Variants in UBTD2 observed in about 807,000 individuals in gnomAD.
The protein encoded by UBTD2 is ubiquitin domain containing 2.
Under a neutral mutation model 19.8 loss-of-function variants are expected in UBTD2, and 9 were observed. That is an observed-to-expected ratio of 0.46 (90% confidence interval 0.27 to 0.79). UBTD2 has a LOEUF of 0.79. Among genes scored for constraint, UBTD2 ranks in the 30% least tolerant of loss-of-function variants. The pLI is 0.14. For missense variants in UBTD2, 250 were observed against 300.4 expected, an observed-to-expected ratio of 0.83 and a Z score of 1.24; for synonymous variants, 98 against 103.9, an observed-to-expected ratio of 0.94 and a Z score of 0.35.
intron 1 of UBTD2, among the ~76,000 whole-genome samples, chr5:172,267,601 C>T (rs1755402485): frequency 6.6e-6 from 1 of 152,134 alleles, no homozygotes; most frequent in Admixed American, 6.6e-5. Flanking sequence ...CTTGACATGA[C>T]GTGTTTAACT....
chr5:172,263,949 A>G (rs1251874450), intron 1 of UBTD2, among the ~76,000 whole-genome samples: 2 of 151,854 alleles, frequency 1.3e-5, no homozygotes, highest in Non-Finnish European at 2.9e-5. Context: ...CAGCCTCCAG[A>G]GTAGATGAGA....
intron 1 of UBTD2, chr5:172,254,855 A>G (rs996846761): frequency 3.8e-6 from 2 of 530,446 alleles, no homozygotes; most frequent in Non-Finnish European, 3.5e-6. Flanking sequence ...TTATGATTCA[A>G]TTACAGGTAC....
intron 2 of UBTD2, among the ~76,000 whole-genome samples, chr5:172,229,949 A>G (rs1771856639): frequency 6.6e-6 from 1 of 152,216 alleles, no homozygotes. Flanking sequence ...ATGGCAAAAT[A>G]GCAATCAATG....
At chr5:172,280,115 G>T (rs556406414) in intron 1 of UBTD2, among the ~76,000 whole-genome samples, 1 of 150,396 alleles carries the variant, frequency 6.6e-6, no homozygotes, top group African/African-American at 2.4e-5. Flanking sequence ...AAAAAAAAAA[G>T]TCAAAACAAT....
chr5:172,234,503 T>C, intron 1 of UBTD2, 145 bp from the exon 2 acceptor site: 1 of 712,146 alleles, frequency 1.4e-6, no homozygotes, highest in Non-Finnish European at 2.3e-6. Context: ...ATCCTGAAAT[T>C]CCTCTAACAC....
In UBTD2 at chr5:172,266,363, T is replaced by A. The variant is rs114192033; in HGVS notation, c.70+17233A>T. Among the ~76,000 whole-genome samples the A allele has an allele frequency of 2.9e-3, 441 of 152,324 alleles. 1 individual carries two copies. The highest frequency in any genetic ancestry group is 0.01 in the African/African-American group (421 of 41,564). The stretch of plus-strand genomic sequence containing the variant: ...ACTGGTTTCATCTGAATCTAATCCA[T>A]TCTTCATAAGCAACAGTCAGATTTT... On this transcript the variant is annotated intron_variant, in intron 1 of 2. Transcript: ENST00000393792.
chr5:172,238,340 T>C (rs1772053124), intron 1 of UBTD2, among the ~76,000 whole-genome samples: 2 of 152,178 alleles, frequency 1.3e-5, no homozygotes, highest in Non-Finnish European at 1.5e-5. Flanking sequence ...TTCTCTATCC[T>C]TAAACTGCAG....
intron 1 of UBTD2, among the ~76,000 whole-genome samples, chr5:172,262,895 T>TA (rs1755301287): frequency 6.6e-6 from 1 of 152,212 alleles, no homozygotes; most frequent in Non-Finnish European, 1.5e-5. Context: ...GAAAAGCTAT[T>TA]AGTAACTTCA....
chr5:172,266,838 G>T (rs1755389054), intron 1 of UBTD2, among the ~76,000 whole-genome samples: 1 of 152,104 alleles, frequency 6.6e-6, no homozygotes, highest in African/African-American at 2.4e-5. Flanking sequence ...AGGATTTCAA[G>T]ATCAGCCTGG....
chr5:172,278,769 ATTTTAT>A (rs1485486380), intron 1 of UBTD2, among the ~76,000 whole-genome samples: 3 of 151,978 alleles, frequency 2.0e-5, no homozygotes, highest in Non-Finnish European at 2.9e-5. Flanking sequence ...TTTTGCCACA[ATTTTAT>A]TTTTATTTAT....
intron 2 of UBTD2, among the ~76,000 whole-genome samples, chr5:172,228,506 A>G (rs1280463094): frequency 1.3e-5 from 2 of 152,090 alleles, no homozygotes; most frequent in African/African-American, 4.8e-5. Context: ...GGATTACTTG[A>G]GGTCAGGAGA....
chr5:172,264,698 G>A (rs2113106599), intron 1 of UBTD2, among the ~76,000 whole-genome samples: 1 of 151,970 alleles, frequency 6.6e-6, no homozygotes, highest in East Asian at 1.9e-4. Flanking sequence ...AACATGGTGA[G>A]ACTCCCATTT....
intron 2 of UBTD2, among the ~76,000 whole-genome samples, chr5:172,222,925 T>G (rs1323576023): frequency 6.6e-6 from 1 of 152,226 alleles, no homozygotes; most frequent in African/African-American, 2.4e-5. Context: ...TTCTAGGTGC[T>G]AAGGTTGTGC....
intron 1 of UBTD2, among the ~76,000 whole-genome samples, chr5:172,243,079 C>T (rs974087089): frequency 2.6e-5 from 4 of 151,234 alleles, no homozygotes; most frequent in Non-Finnish European, 5.9e-5. Flanking sequence ...CCTCCTGCCT[C>T]AGCCTCCCAA....
chr5:172,226,900 T>C (rs1176339964), intron 2 of UBTD2, among the ~76,000 whole-genome samples: 4 of 152,194 alleles, frequency 2.6e-5, no homozygotes, highest in Non-Finnish European at 5.9e-5. Context: ...TTAGTAAACA[T>C]AAGTGAAAAG....
intron 2 of UBTD2, among the ~76,000 whole-genome samples, chr5:172,229,479 C>A (rs369427957): frequency 1.2e-4 from 13 of 109,250 alleles, no homozygotes; most frequent in Admixed American, 8.4e-4. Context: ...CCAGCCTGGG[C>A]GACAGAGCAA....
intron 2 of UBTD2, among the ~76,000 whole-genome samples, chr5:172,219,484 C>T (rs943744036): frequency 6.6e-6 from 1 of 152,204 alleles, no homozygotes; most frequent in Non-Finnish European, 1.5e-5. Context: ...ATGCTGTATA[C>T]ACCACCTGCC....
At chr5:172,254,484 AAATGTCTTTTTAGT>A in intron 1 of UBTD2, 2 of 525,384 alleles carry the variant, frequency 3.8e-6, no homozygotes, top group Non-Finnish European at 6.9e-6. Flanking sequence ...ATGTTTTCCT[AAATGTCTTTTTAGT>A]TCATCAGACC....
At chr5:172,252,652 T>C (rs542738191) in intron 1 of UBTD2, among the ~76,000 whole-genome samples, 6 of 152,302 alleles carry the variant, frequency 3.9e-5, no homozygotes, top group Admixed American at 2.6e-4. Context: ...CCCTCTTCTA[T>C]CTGAAGTTTC....
Sources: allele counts gnomAD v4.1 joint callset (sites outside exome capture counted in the v4.1 genomes callset), GRCh38; gene constraint gnomAD v4.1.1; transcripts MANE v1.5; gene names NCBI Gene and HGNC (gene_info 2026-07-23, HGNC 2026-07-21).